KIF1A: variants seen among roughly 807,000 people sequenced by gnomAD.
KIF1A encodes the protein kinesin family member 1A.
A neutral mutation model predicts 227.3 loss-of-function variants in KIF1A; 46 were observed. The ratio of observed to expected loss-of-function variants is 0.20; its 90% confidence interval spans 0.16 to 0.26. KIF1A has a LOEUF of 0.26. KIF1A is among the 10% of genes least tolerant of loss of function. KIF1A has a pLI of 1.00. For missense variants in KIF1A, 1,683 were observed against 2,485.9 expected, an observed-to-expected ratio of 0.68 and a Z score of 6.87; for synonymous variants, 1,022 against 1,012.8, an observed-to-expected ratio of 1.01 and a Z score of -0.17.
In KIF1A at chr2:240,761,388, AG is replaced by A. The variant is rs2125894817; in HGVS notation, c.2117-12del. Reference sequence around the variant, plus strand: ...GCTCTGTCCACTGGACTGTGGGGAGAGGTCACACGTGGTCATCGCAGGAAGG... The same window carrying A: ...GCTCTGTCCACTGGACTGTGGGGAGAGTCACACGTGGTCATCGCAGGAAGG... On this transcript the variant is annotated splice_polypyrimidine_tract_variant and intron_variant, in intron 23 of 48. Coordinates refer to ENST00000498729, the MANE Select transcript of KIF1A (RefSeq NM_001244008.2). 3.2e-6 allele frequency: 5 copies of A among 1,578,608 alleles called. No homozygotes were observed. Among genetic ancestry groups the A allele is most frequent in the Non-Finnish European group, 4.3e-6 (5 of 1,157,098 alleles).
intron 1 of KIF1A, among the ~76,000 whole-genome samples, chr2:240,804,005 T>A (rs1273095422): frequency 3.3e-5 from 5 of 152,204 alleles, no homozygotes; most frequent in African/African-American, 1.2e-4. Flanking sequence ...TGGTAGCTCA[T>A]GCCTGTAATT....
chr2:240,740,421 C>A lies in KIF1A; in HGVS notation c.3750-57G>T. 6 of 1,430,100 alleles carry A rather than the reference C, an allele frequency of 4.2e-6. No homozygotes were observed. The highest frequency in any genetic ancestry group is 5.9e-6 in the Non-Finnish European group (6 of 1,015,314). The allele number at this position is 1,430,100 out of a possible 1,614,324, so 88.6% of individuals were successfully genotyped here. ...CAGCCCCTCCTCTCTGCCCTCCCCG[C>A]AGCACAGGACACAGTGGACGGGAGC... On this transcript the variant is annotated intron_variant, in intron 35 of 48. Transcript: ENST00000498729. The surrounding 1 kb of genome is among the most constrained non-coding windows in gnomAD (Gnocchi z 6.1).
At chr2:240,806,096 G>A (rs1318889433) in intron 1 of KIF1A, among the ~76,000 whole-genome samples, 1 of 152,228 alleles carries the variant, frequency 6.6e-6, no homozygotes, top group East Asian at 1.9e-4. Context: ...CCTGAGAGAA[G>A]GGGCACATAC....
Position 240,763,380 on chromosome 2 carries a change from T to A in KIF1A, c.1769-34A>T, listed in dbSNP as rs952762383. On this transcript the variant is annotated intron_variant, in intron 20 of 48. Coordinates refer to ENST00000498729, the MANE Select transcript of KIF1A (RefSeq NM_001244008.2). ...CAGAGGGACAGGTGGCCTTGAGGGA[T>A]GGGGATCTTCAGGTCCCTGATGGTC... 1.6e-5 allele frequency: 24 copies of A among 1,538,132 alleles called. No homozygotes were observed. The East Asian group carries it at 5.9e-4, about 38-fold the overall frequency.
intron 1 of KIF1A, among the ~76,000 whole-genome samples, chr2:240,806,272 C>T (rs957889374): frequency 1.3e-5 from 2 of 152,214 alleles, no homozygotes; most frequent in African/African-American, 4.8e-5. Flanking sequence ...AGGAGCTGCT[C>T]AGCAGAAGTC....
chr2:240,807,130 GTATA>G (rs57742435), intron 1 of KIF1A, among the ~76,000 whole-genome samples: 47,745 of 119,620 alleles, frequency 0.4, 8,619 homozygotes, highest in East Asian at 0.44. Flanking sequence ...GTGTGTGTGT[GTATA>G]TATATATATA....
chr2:240,790,170 G>C lies in KIF1A; in HGVS notation c.107-858C>G, dbSNP rs1396457616. On this transcript the variant is annotated intron_variant, in intron 2 of 48. Coordinates refer to ENST00000498729, the MANE Select transcript of KIF1A (RefSeq NM_001244008.2). The surrounding 1 kb of genome is among the most constrained non-coding windows in gnomAD (Gnocchi z 5.0). Reference sequence around the variant, plus strand: ...GACTGCATGTCCTCAGTGGCCGGAAGGACAGGACCCGCTGCCCCCTGGAAC... The same window carrying C: ...GACTGCATGTCCTCAGTGGCCGGAACGACAGGACCCGCTGCCCCCTGGAAC... Among the ~76,000 whole-genome samples the C allele has an allele frequency of 6.6e-6, 1 of 152,182 alleles. No individual in the cohort carries two copies. Among genetic ancestry groups the C allele is most frequent in the Non-Finnish European group, 1.5e-5 (1 of 68,038 alleles).
At chr2:240,737,750 C>T (rs1236275364) in intron 37 of KIF1A, among the ~76,000 whole-genome samples, 1 of 152,178 alleles carries the variant, frequency 6.6e-6, no homozygotes, top group Non-Finnish European at 1.5e-5. Context: ...CGTTATCAGG[C>T]AGGAAAACTG....
Position 240,740,260 on chromosome 2 carries a change from G to C in KIF1A, c.3816+38C>G. The stretch of plus-strand genomic sequence containing the variant: ...GGCTCACACCTGGTGGGGTGGGGGA[G>C]GGGACACAGGCAGGGTAGGGGCAAG... On this transcript the variant is annotated intron_variant, in intron 36 of 48. Transcript: ENST00000498729. The surrounding 1 kb of genome is among the most constrained non-coding windows in gnomAD (Gnocchi z 6.1). 6.3e-7 allele frequency: 1 copy of C among 1,593,896 alleles called. No individual in the cohort carries two copies. Among genetic ancestry groups the C allele is most frequent in the South Asian group, 1.1e-5 (1 of 90,150 alleles).
intron 11 of KIF1A, 50 bp from the exon 12 acceptor site, chr2:240,774,311 G>A (rs1307256334): frequency 6.5e-6 from 8 of 1,228,566 alleles, no homozygotes; most frequent in Admixed American, 3.5e-5. Context: ...AGGCCCCAGG[G>A]CTATGTCTGC....
intron 33 of KIF1A, 92 bp downstream of exon 33, chr2:240,743,850 T>C (rs2048284438): frequency 9.2e-6 from 8 of 867,986 alleles, no homozygotes; most frequent in Non-Finnish European, 1.3e-5. Flanking sequence ...AGGGGGTGCA[T>C]AGGCTCTGCA....
Position 240,726,338 on chromosome 2 carries a change from C to T in KIF1A, c.4122+488G>A, listed in dbSNP as rs565226079. Among the ~76,000 whole-genome samples the T allele has an allele frequency of 2.6e-5, 4 of 152,278 alleles. No homozygotes were observed. The highest frequency in any genetic ancestry group is 2.1e-4 in the South Asian group (1 of 4,824). ...ATTAAAAGCACATGGAGGATGGGTG[C>T]GGTGGCTCACACCTGTAATCCCAGC... On this transcript the variant is annotated intron_variant, in intron 39 of 48. Coordinates refer to ENST00000498729, the MANE Select transcript of KIF1A (RefSeq NM_001244008.2). This position sits in a 1 kb window ranked among gnomAD's most constrained non-coding sequence, Gnocchi z 5.2.
At chr2:240,753,467 A>G (rs2049457242) in intron 27 of KIF1A, among the ~76,000 whole-genome samples, 1 of 152,206 alleles carries the variant, frequency 6.6e-6, no homozygotes, top group South Asian at 2.1e-4. Context: ...AGCACAGCAC[A>G]GACTCGAGTG....
At position 240,744,056 on chromosome 2, in the gene KIF1A, G is replaced by A. The variant is rs1159749231; in HGVS notation, c.3470C>T (p.Ala1157Val). Reference protein sequence around the residue: ...PLGFYHVQNIAVEVTKSFIEY... With the variant: ...PLGFYHVQNIVVEVTKSFIEY... ...AATGAAGGACTTGGTCACCTCCACTGCGATCTGGTGGGCAGGCAGGTGGGA... is the reference window on the plus strand; with the variant it reads ...AATGAAGGACTTGGTCACCTCCACTACGATCTGGTGGGCAGGCAGGTGGGA... Residue 1157 changes from alanine (A) to valine (V), a missense_variant, in exon 33 of 49, where the codon GCA (alanine) becomes GTA (valine). Ala to Val is a moderately conservative substitution (Grantham distance 64). Coordinates refer to ENST00000498729, the MANE Select transcript of KIF1A (RefSeq NM_001244008.2). The A allele has an allele frequency of 6.2e-7, 1 of 1,607,172 alleles. No homozygotes were observed. Among genetic ancestry groups the A allele is most frequent in the Non-Finnish European group, 8.5e-7 (1 of 1,173,794 alleles).
Position 240,752,866 on chromosome 2 carries a change from G to A in KIF1A, c.2859-2319C>T, listed in dbSNP as rs577585112. ...TGGGACCACTCCCACTGTGGGCCAGGTGAGGACACTCAGGCACGGGGTTCC... is the reference window on the plus strand; with the variant it reads ...TGGGACCACTCCCACTGTGGGCCAGATGAGGACACTCAGGCACGGGGTTCC... On this transcript the variant is annotated intron_variant, in intron 27 of 48. Coordinates refer to ENST00000498729, the MANE Select transcript of KIF1A (RefSeq NM_001244008.2). This position sits in a 1 kb window ranked among gnomAD's most constrained non-coding sequence, Gnocchi z 6.4. Among the ~76,000 whole-genome samples the A allele has an allele frequency of 1.2e-4, 19 of 152,290 alleles. No individual in the cohort carries two copies. In the East Asian group the frequency reaches 3.3e-3, roughly 26 times the overall value.
At chr2:240,759,030 G>C (rs2050192379) in intron 25 of KIF1A, among the ~76,000 whole-genome samples, 1 of 152,146 alleles carries the variant, frequency 6.6e-6, no homozygotes, top group African/African-American at 2.4e-5. Context: ...CACATCAACA[G>C]TGGCTGTCCG....
intron 1 of KIF1A, among the ~76,000 whole-genome samples, chr2:240,813,035 A>T (rs1042589372): frequency 6.6e-6 from 1 of 152,094 alleles, no homozygotes; most frequent in African/African-American, 2.4e-5. Context: ...CACCTCAAGG[A>T]TCCACTTGCT....
chr2:240,749,913 G>C (rs916552781), intron 28 of KIF1A, among the ~76,000 whole-genome samples: 3 of 152,262 alleles, frequency 2.0e-5, no homozygotes, highest in African/African-American at 7.2e-5. Context: ...CCCAGGGAGG[G>C]CTGCCCTGAG....
rs879862389 is a variant in KIF1A, at chr2:240,793,521, C to T, written c.106+4126G>A. ...TGGCTGGGCAGGCTCAGGGCCCTCA[C>T]GTCCTCCGGTCCTCAGGGCAGAGAA... is the stretch of plus-strand genomic sequence containing the variant. On this transcript the variant is annotated intron_variant, in intron 2 of 48. Coordinates refer to ENST00000498729, the MANE Select transcript of KIF1A (RefSeq NM_001244008.2). This position sits in a 1 kb window ranked among gnomAD's most constrained non-coding sequence, Gnocchi z 4.8. Among the ~76,000 whole-genome samples the T allele has an allele frequency of 4.6e-5, 7 of 152,102 alleles. No individual in the cohort carries two copies. Among genetic ancestry groups the T allele is most frequent in the Non-Finnish European group, 7.4e-5 (5 of 68,016 alleles).
Sources: gnomAD v4.1 joint callset for allele counts (sites outside exome capture counted in the v4.1 genomes callset) on GRCh38, gnomAD v4.1.1 for gene constraint, Gnocchi (gnomAD v3.1) non-coding constraint, MANE v1.5 for transcripts, NCBI Gene and HGNC (gene_info 2026-07-23, HGNC 2026-07-21) for gene names.